CFAP20DC: variants seen among roughly 807,000 people sequenced by gnomAD.
CFAP20DC encodes CFAP20 domain containing.
CFAP20DC carries 84 observed loss-of-function variants against 101.7 expected under a neutral mutation model. That is an observed-to-expected ratio of 0.83 (90% CI 0.69 to 0.99). The LOEUF (loss-of-function observed/expected upper bound fraction) is 0.99. Among genes scored for constraint, CFAP20DC ranks in the 50% least tolerant of loss-of-function variants. The pLI is 0.00. For synonymous variants in CFAP20DC, 359 were observed against 351.2 expected (o/e 1.02, Z -0.25); for missense variants, 1,007 against 970.3 (o/e 1.04, Z -0.50).
At chr3:59,012,770 T>C (rs765420280) in intron 4 of CFAP20DC, among the ~76,000 whole-genome samples, 12 of 152,036 alleles carry the variant, frequency 7.9e-5, no homozygotes, top group Non-Finnish European at 1.2e-4. Context: ...GAAGTAGAAA[T>C]TAAAAAGAGA....
At position 58,742,320 on chromosome 3, in the gene CFAP20DC, T is replaced by G. The variant is rs1325237232; in HGVS notation, c.*140A>C. 1 of 1,266,102 alleles carries G rather than the reference T, an allele frequency of 7.9e-7. No homozygotes were observed. Among genetic ancestry groups the G allele is most frequent in the African/African-American group, 1.5e-5 (1 of 64,956 alleles). 78.4% of individuals were successfully genotyped at this position (1,266,102 alleles called of 1,614,324 possible). ...AGGTATTCTTAACGTTGAACATTAT[T>G]TACAAAATGAATTCGTTTCTCTCAG... On this transcript the variant is annotated 3_prime_UTR_variant, in exon 17 of 17. Coordinates refer to ENST00000482387, the MANE Select transcript of CFAP20DC (RefSeq NM_001394063.1).
chr3:58,888,988 GTT>G (rs75203673), intron 6 of CFAP20DC, among the ~76,000 whole-genome samples: 7,791 of 131,762 alleles, frequency 0.059, 512 homozygotes, highest in East Asian at 0.4. Context: ...AGCATCTATT[GTT>G]TTTTTTTTTT....
chr3:58,826,151 C>T (rs1327695339), intron 14 of CFAP20DC, among the ~76,000 whole-genome samples: 1 of 152,116 alleles, frequency 6.6e-6, no homozygotes, highest in Non-Finnish European at 1.5e-5. Flanking sequence ...AGGCCCTGCT[C>T]AGAAGGAGAT....
chr3:58,991,805 C>T lies in CFAP20DC; in HGVS notation c.278+47752G>A, dbSNP rs113546524. Among the ~76,000 whole-genome samples, 54 of 152,230 alleles carry T rather than the reference C, an allele frequency of 3.5e-4. 2 individuals carry two copies. The highest frequency in any genetic ancestry group is 3.4e-3 in the Middle Eastern group (1 of 294). On this transcript the variant is annotated intron_variant, in intron 4 of 16. Transcript: ENST00000482387. ...TAGCCCCTGTTCACCCCCTGCTGTGCGGCCCGTTCCTAACAGGTCACCTAC... is the reference window on the plus strand; with the variant it reads ...TAGCCCCTGTTCACCCCCTGCTGTGTGGCCCGTTCCTAACAGGTCACCTAC...
At chr3:58,963,756 T>C (rs546641813) in intron 4 of CFAP20DC, among the ~76,000 whole-genome samples, 1 of 152,244 alleles carries the variant, frequency 6.6e-6, no homozygotes, top group East Asian at 1.9e-4. Flanking sequence ...AAATCCTATG[T>C]AAACTAAAAA....
rs998515333 is a variant in CFAP20DC, at chr3:58,795,733, A to G, written c.2237+10662T>C. On this transcript the variant is annotated intron_variant, in intron 15 of 16. Coordinates refer to ENST00000482387, the MANE Select transcript of CFAP20DC (RefSeq NM_001394063.1). The surrounding 1 kb of genome is among the most constrained non-coding windows in gnomAD (Gnocchi z 4.2). ...TTGGGAGGTGAGGGGAGAAGATGTG[A>G]TCTATTGTTCTGAAACTCCTAGGGG... Among the ~76,000 whole-genome samples the G allele has an allele frequency of 3.3e-5, 5 of 152,204 alleles. No individual in the cohort carries two copies. Among genetic ancestry groups the G allele is most frequent in the African/African-American group, 9.6e-5 (4 of 41,454 alleles).
intron 4 of CFAP20DC, among the ~76,000 whole-genome samples, chr3:59,009,505 T>A (rs1203758658): frequency 6.6e-6 from 1 of 151,886 alleles, no homozygotes; most frequent in African/African-American, 2.4e-5. Context: ...GAAAGACACA[T>A]TTAGGGAAAT....
chr3:58,995,878 G>C (rs564971450), intron 4 of CFAP20DC, among the ~76,000 whole-genome samples: 1 of 152,216 alleles, frequency 6.6e-6, no homozygotes, highest in Non-Finnish European at 1.5e-5. Flanking sequence ...ACTCAACCTG[G>C]AACTATCTAT....
At position 59,013,561 on chromosome 3, in the gene CFAP20DC, C is replaced by T. The variant is rs184668745; in HGVS notation, c.278+25996G>A. On this transcript the variant is annotated intron_variant, in intron 4 of 16. Coordinates refer to ENST00000482387, the MANE Select transcript of CFAP20DC (RefSeq NM_001394063.1). Reference sequence around the variant, plus strand: ...GTCACTACAAATTGTTTGCATTTTACCTATTACATATATCAATACCAGTGA... The same window carrying T: ...GTCACTACAAATTGTTTGCATTTTATCTATTACATATATCAATACCAGTGA... Among the ~76,000 whole-genome samples, 16 of 152,226 alleles carry T rather than the reference C, an allele frequency of 1.1e-4. 1 individual carries two copies. The highest frequency in any genetic ancestry group is 4.1e-4 in the South Asian group (2 of 4,830).
At chr3:58,782,480 A>G (rs757053126) in intron 15 of CFAP20DC, among the ~76,000 whole-genome samples, 1 of 152,074 alleles carries the variant, frequency 6.6e-6, no homozygotes, top group Non-Finnish European at 1.5e-5. Flanking sequence ...TTGGAAAAGT[A>G]TAAGTCAAAT....
chr3:58,982,439 T>C (rs1362510170), intron 4 of CFAP20DC, among the ~76,000 whole-genome samples: 1 of 151,968 alleles, frequency 6.6e-6, no homozygotes. Context: ...CTATTCACAA[T>C]AGCAAAGACT....
At chr3:58,931,532 G>A (rs780397325) in intron 5 of CFAP20DC, among the ~76,000 whole-genome samples, 10 of 152,138 alleles carry the variant, frequency 6.6e-5, no homozygotes, top group Non-Finnish European at 1.2e-4. Flanking sequence ...CCCAGTAGGG[G>A]CAGACTGACA....
intron 4 of CFAP20DC, among the ~76,000 whole-genome samples, chr3:58,972,248 C>A (rs1164982087): frequency 1.3e-5 from 2 of 152,126 alleles, no homozygotes; most frequent in African/African-American, 4.8e-5. Flanking sequence ...GACTATCCTT[C>A]AAGGTTAGAA....
chr3:58,801,004 G>T (rs1024207070), intron 15 of CFAP20DC, among the ~76,000 whole-genome samples: 1 of 136,396 alleles, frequency 7.3e-6, no homozygotes, highest in African/African-American at 2.7e-5. Flanking sequence ...TGACAGGCGT[G>T]TGTTGAATAA....
intron 16 of CFAP20DC, among the ~76,000 whole-genome samples, chr3:58,744,676 G>A (rs958915611): frequency 1.3e-5 from 2 of 152,154 alleles, no homozygotes; most frequent in Admixed American, 6.6e-5. Flanking sequence ...AGCATATGAA[G>A]GGTGGCATAG....
intron 15 of CFAP20DC, among the ~76,000 whole-genome samples, chr3:58,775,497 T>C (rs1259772774): frequency 6.6e-6 from 1 of 152,146 alleles, no homozygotes; most frequent in African/African-American, 2.4e-5. Flanking sequence ...AATAGTTTCA[T>C]TATGAAAATA....
At chr3:58,981,756 A>G (rs2108507945) in intron 4 of CFAP20DC, among the ~76,000 whole-genome samples, 1 of 152,350 alleles carries the variant, frequency 6.6e-6, no homozygotes, top group East Asian at 1.9e-4. Flanking sequence ...TAAAAACCCT[A>G]GAAGAAAACC....
Position 58,889,452 on chromosome 3 carries a change from C to T in CFAP20DC, c.551-4743G>A, listed in dbSNP as rs1006418827. The stretch of plus-strand genomic sequence containing the variant: ...GAGGAAGCTGACCTAGCTCCACAAC[C>T]CCCATGCAAACAGAACTGAGAGGAA... On this transcript the variant is annotated intron_variant, in intron 6 of 16. Coordinates refer to ENST00000482387, the MANE Select transcript of CFAP20DC (RefSeq NM_001394063.1). 2.2e-4 allele frequency among the ~76,000 whole-genome samples: 33 copies of T among 152,138 alleles called. 1 individual carries two copies. Among genetic ancestry groups the T allele is most frequent in the Admixed American group, 1.8e-3 (28 of 15,278 alleles).
At chr3:58,797,421 C>G (rs1408630252) in intron 15 of CFAP20DC, among the ~76,000 whole-genome samples, 1 of 152,092 alleles carries the variant, frequency 6.6e-6, no homozygotes, top group Non-Finnish European at 1.5e-5. Flanking sequence ...AGAACAAGGC[C>G]CTAACTCTCT....
Sources: gnomAD v4.1 joint callset for allele counts (sites outside exome capture counted in the v4.1 genomes callset) on GRCh38, gnomAD v4.1.1 for gene constraint, Gnocchi (gnomAD v3.1) non-coding constraint, MANE v1.5 for transcripts, NCBI Gene and HGNC (gene_info 2026-07-23, HGNC 2026-07-21) for gene names.